Variants in MCF2L observed in about 807,000 individuals in gnomAD.
MCF2L encodes guanine nucleotide exchange factor DBS.
A neutral mutation model predicts 153.4 loss-of-function variants in MCF2L; 97 were observed. That is an observed-to-expected ratio of 0.63 (90% CI 0.54 to 0.75). The LOEUF is 0.75. Among genes scored for constraint, MCF2L ranks in the 30% least tolerant of loss-of-function variants. MCF2L has a pLI of 0.00. For missense variants in MCF2L, 1,347 were observed against 1,495.2 expected, an observed-to-expected ratio of 0.90 and a Z score of 1.64; for synonymous variants, 659 against 632.2, an observed-to-expected ratio of 1.04 and a Z score of -0.64.
upstream of MCF2L, chr13:112,965,527 T>C (rs1292737112): frequency 6.6e-6 from 1 of 152,268 alleles, no homozygotes; most frequent in Non-Finnish European, 1.5e-5. Flanking sequence ...CACAATGAGC[T>C]TGTGAATTTC....
intron 2 of MCF2L, among the ~76,000 whole-genome samples, chr13:112,963,341 G>A (rs1199817535): frequency 6.6e-6 from 1 of 152,184 alleles, no homozygotes; most frequent in Non-Finnish European, 1.5e-5. Context: ...GCTCCTTCTG[G>A]CCAGGATTCT....
intron 1 of MCF2L, among the ~76,000 whole-genome samples, chr13:113,013,469 C>A (rs561820662): frequency 6.6e-6 from 1 of 152,214 alleles, no homozygotes; most frequent in Non-Finnish European, 1.5e-5. Context: ...GCAGCCAGCA[C>A]GGCCCAGGAG....
intron 2 of MCF2L, among the ~76,000 whole-genome samples, chr13:112,961,974 G>A (rs1209793000): frequency 4.6e-5 from 7 of 152,234 alleles, no homozygotes; most frequent in Admixed American, 3.3e-4. Context: ...GCACAGCGAG[G>A]GGACATGCAC....
chr13:112,935,124 G>A (rs928994610), intron 2 of MCF2L, among the ~76,000 whole-genome samples: 2 of 152,226 alleles, frequency 1.3e-5, no homozygotes, highest in Admixed American at 6.5e-5. Context: ...TCAACTTACA[G>A]TGGTTGGATT....
In MCF2L at chr13:113,084,736, G is replaced by A. The variant is rs538275773; in HGVS notation, c.2062-156G>A. The A allele has an allele frequency of 3.0e-4, 198 of 650,730 alleles. 1 individual carries two copies. The Admixed American group carries it at 3.7e-3, about 12-fold the overall frequency. The allele number at this position is 650,730 out of a possible 1,614,324, so 40.3% of individuals were successfully genotyped here. On this transcript the variant is annotated intron_variant, in intron 18 of 29. Transcript: ENST00000535094. ...AGCCTGGGAGCCAGTGCCGGCCCTC[G>A]GAAGCTATGGGGCCAGCAGCAATGC...
At chr13:112,969,143 C>T, upstream of MCF2L, 1 of 326,118 alleles carries the variant, frequency 3.1e-6, no homozygotes, top group Non-Finnish European at 4.8e-6. This position sits in a 1 kb window ranked among gnomAD's most constrained non-coding sequence, Gnocchi z 4.8. Context: ...GGGGCGGGCG[C>T]GCGCCGCTTC....
In MCF2L at chr13:113,074,673, G is replaced by GC. The variant is rs759571024; in HGVS notation, c.1116+116dup. 17 of 1,472,812 alleles carry GC rather than the reference G, an allele frequency of 1.2e-5. No individual in the cohort carries two copies. The African/African-American group carries it at 1.4e-4, about 12-fold the overall frequency. The allele number at this position is 1,472,812 out of a possible 1,614,324, so 91.2% of individuals were successfully genotyped here. On this transcript the variant is annotated intron_variant, in intron 10 of 29. Coordinates refer to ENST00000535094, the MANE Select transcript of MCF2L (RefSeq NM_001112732.3). The surrounding 1 kb of genome is among the most constrained non-coding windows in gnomAD (Gnocchi z 4.2). ...CCGCCTACGGAGAACGGACCCCACA[G>GC]CCCCCCGGGGATGTCCATGGGGTGG...
chr13:113,089,725 A>G lies in MCF2L; in HGVS notation c.2950A>G (p.Lys984Glu). ...APLTKPPEKG[K>E]GWSKTSHSLE... ...ACTGACAAAGCCCCCCGAAAAGGGCAAAGGTGGGTATGTGCAGGGACCGGG... is the reference window on the plus strand; with the variant it reads ...ACTGACAAAGCCCCCCGAAAAGGGCGAAGGTGGGTATGTGCAGGGACCGGG... The change falls in exon 26 of 30, where the codon AAA (lysine) becomes GAA (glutamate). Residue 984 changes from lysine (K) to glutamate (E), a missense_variant. Lys to Glu is a moderately conservative substitution (Grantham distance 56). Around this residue, in one of 3 missense-constraint regions of MCF2L, gnomAD observed 383 missense variants for 335.4 expected, o/e 1.14. Coordinates refer to ENST00000535094, the MANE Select transcript of MCF2L (RefSeq NM_001112732.3). 1 of 1,613,392 alleles carries G rather than the reference A, an allele frequency of 6.2e-7. No individual in the cohort carries two copies. Among genetic ancestry groups the G allele is most frequent in the Non-Finnish European group, 8.5e-7 (1 of 1,179,626 alleles).
chr13:112,991,391 G>A (rs192591621), intron 1 of MCF2L, among the ~76,000 whole-genome samples: 218 of 150,712 alleles, frequency 1.4e-3, no homozygotes, highest in Admixed American at 2.6e-3. Context: ...GACCTGATTC[G>A]CTGTGTTTTG....
intron 4 of MCF2L, among the ~76,000 whole-genome samples, chr13:113,048,677 C>T (rs564961487): frequency 2.0e-5 from 3 of 152,252 alleles, no homozygotes; most frequent in South Asian, 2.1e-4. Flanking sequence ...CTCCTGACCT[C>T]GTGATCCGCC....
chr13:112,903,653 A>G (rs925533255), intron 2 of MCF2L, among the ~76,000 whole-genome samples: 1 of 152,160 alleles, frequency 6.6e-6, no homozygotes, highest in Non-Finnish European at 1.5e-5. Flanking sequence ...CAGTCAGGGT[A>G]TGTGCTTAGT....
At position 113,097,568 on chromosome 13, in the gene MCF2L, CAGTT is replaced by C. The variant is rs1260704189; in HGVS notation, c.*712_*715del. 6.6e-6 allele frequency: 1 copy of C among 152,070 alleles called. No individual in the cohort carries two copies. Among genetic ancestry groups the C allele is most frequent in the African/African-American group, 2.4e-5 (1 of 41,394 alleles). The allele number at this position is 152,070 out of a possible 1,614,324, so 9.4% of individuals were successfully genotyped here. Reference sequence around the variant, plus strand: ...CAGGTGGTGTCTCCACCACCAAAAGCAGTTAGAAGCCAAGGAGATTCCTTTATCT... The same window carrying C: ...CAGGTGGTGTCTCCACCACCAAAAGCAGAAGCCAAGGAGATTCCTTTATCT... On this transcript the variant is annotated 3_prime_UTR_variant, in exon 30 of 30. Coordinates refer to ENST00000535094, the MANE Select transcript of MCF2L (RefSeq NM_001112732.3).
chr13:113,024,754 C>A lies in MCF2L; in HGVS notation c.274C>A (p.Pro92Thr), dbSNP rs1373602165. 1 of 1,612,706 alleles carries A rather than the reference C, an allele frequency of 6.2e-7. No homozygotes were observed. The highest frequency in any genetic ancestry group is 2.2e-5 in the East Asian group (1 of 44,890). Residue 92 changes from proline to threonine, a missense_variant, in exon 3 of 30, where the codon CCC (proline) becomes ACC (threonine). Pro to Thr is a conservative substitution (Grantham distance 38, BLOSUM62 -1). Around this residue, in one of 3 missense-constraint regions of MCF2L, gnomAD observed 820 missense variants for 921.2 expected, o/e 0.89. Coordinates refer to ENST00000535094, the MANE Select transcript of MCF2L (RefSeq NM_001112732.3). ...TGTCATGACCTACCTCACCAGCATCCCCAGGTACGTGCACCCAGAGCCCGG... is the reference window on the plus strand; with the variant it reads ...TGTCATGACCTACCTCACCAGCATCACCAGGTACGTGCACCCAGAGCCCGG... ...QNVMTYLTSI[P>T]SLQDAGIGFI...
intron 2 of MCF2L, among the ~76,000 whole-genome samples, chr13:112,928,110 T>A (rs1357347546): frequency 6.6e-6 from 1 of 152,232 alleles, no homozygotes; most frequent in Non-Finnish European, 1.5e-5. Context: ...CATTACCTTT[T>A]AGGAATGTTT....
intron 3 of MCF2L, among the ~76,000 whole-genome samples, chr13:113,034,473 T>C (rs1485332682): frequency 6.6e-6 from 1 of 152,186 alleles, no homozygotes; most frequent in Non-Finnish European, 1.5e-5. Flanking sequence ...GACCAATGGC[T>C]GCTTATTGGG....
In MCF2L at chr13:113,078,386, T is replaced by G. The variant is rs948663878; in HGVS notation, c.1684T>G (p.Ser562Ala). Residue 562 changes from serine to alanine, a missense_variant, in exon 14 of 30, where the codon TCC (serine) becomes GCC (alanine). Ser to Ala is a moderately conservative substitution (Grantham distance 99). Around this residue, in one of 3 missense-constraint regions of MCF2L, gnomAD observed 820 missense variants for 921.2 expected, o/e 0.89. Transcript: ENST00000535094. ...AGGCATTCGGCGAGGCTCTGAGAAC[T>G]CCAGCTCCGAGGGCGGTGCGCTCCG... Reference protein sequence around the residue: ...SPGIRRGSENSSSEGGALRRG... With the variant: ...SPGIRRGSENASSEGGALRRG... The G allele has an allele frequency of 2.5e-6, 4 of 1,613,348 alleles. No homozygotes were observed. The Admixed American group carries it at 6.7e-5, about 27-fold the overall frequency.
intron 1 of MCF2L, chr13:113,002,017 G>C: frequency 1.3e-6 from 2 of 1,527,804 alleles, no homozygotes; most frequent in Non-Finnish European, 1.7e-6. Flanking sequence ...TCGCCTCCCC[G>C]GAAGGTGTTG....
intron 1 of MCF2L, among the ~76,000 whole-genome samples, chr13:112,971,177 T>C (rs973871779): frequency 6.6e-6 from 1 of 152,206 alleles, no homozygotes; most frequent in African/African-American, 2.4e-5. Flanking sequence ...TGATGCAGTA[T>C]TGACATGATG....
At chr13:112,915,837 T>C (rs1003161416) in intron 2 of MCF2L, among the ~76,000 whole-genome samples, 5 of 152,174 alleles carry the variant, frequency 3.3e-5, no homozygotes, top group African/African-American at 1.2e-4. Flanking sequence ...CCCTATTCAA[T>C]ATTATACTGG....
Sources: allele counts gnomAD v4.1 joint callset (sites outside exome capture counted in the v4.1 genomes callset), GRCh38; gene constraint gnomAD v4.1.1; regional missense constraint gnomAD v4.1.1; non-coding constraint Gnocchi (gnomAD v3.1); transcripts MANE v1.5; gene names NCBI Gene and HGNC (gene_info 2026-07-23, HGNC 2026-07-21).